Variants in CELF2 observed in about 807,000 individuals in gnomAD.
CELF2 encodes the protein CUG triplet repeat RNA-binding protein 2.
In CELF2, 8 loss-of-function variants were observed where a neutral mutation model predicts 62.6. The ratio of observed to expected loss-of-function variants is 0.13; its 90% CI spans 0.07 to 0.23. CELF2 has a LOEUF of 0.23. Ranked by LOEUF, CELF2 falls within the 10% of genes least tolerant of loss-of-function variation. CELF2 has a pLI of 1.00. For missense variants in CELF2, 333 were observed against 671.0 expected, an observed-to-expected ratio of 0.50 and a Z score of 5.56; for synonymous variants, 258 against 250.0, an observed-to-expected ratio of 1.03 and a Z score of -0.30.
rs1190277005 is a variant in CELF2, at chr10:11,075,215, G to GC, written c.74+57053dup. On this transcript the variant is annotated intron_variant, in intron 1 of 12. Transcript: ENST00000633077. The surrounding 1 kb of genome is among the most constrained non-coding windows in gnomAD (Gnocchi z 5.4). The stretch of plus-strand genomic sequence containing the variant: ...AGGCATGGAGTTGCCCCACTCTGTG[G>GC]CTCCTTCATTTGTAAGGGATGTTCA... The GC allele has an allele frequency of 3.3e-5, 5 of 152,258 alleles. No individual in the cohort carries two copies. The highest frequency in any genetic ancestry group is 1.3e-4 in the Admixed American group (2 of 15,298). The allele number at this position is 152,258 out of a possible 1,614,324, so 9.4% of individuals were successfully genotyped here. A position where few individuals can be genotyped will look rare whatever the true frequency, so the allele number is the denominator to read the frequency against.
chr10:11,241,855 T>G (rs762987015), intron 3 of CELF2, among the ~76,000 whole-genome samples: 33 of 152,274 alleles, frequency 2.2e-4, no homozygotes, highest in Admixed American at 3.9e-4. Context: ...GGCCTCCAGT[T>G]GGTGGCAAAT....
chr10:11,285,005 G>T lies in CELF2; in HGVS notation c.842-3413G>T, dbSNP rs962169592. ...GATGAGAGATGGATGTGTGGATGAC[G>T]GATGGGTGGGAGGATAGTGGATCTG... On this transcript the variant is annotated intron_variant, in intron 8 of 12. Coordinates refer to ENST00000633077, the MANE Select transcript of CELF2 (RefSeq NM_001326342.2). This position sits in a 1 kb window ranked among gnomAD's most constrained non-coding sequence, Gnocchi z 4.3. Among the ~76,000 whole-genome samples the T allele has an allele frequency of 6.7e-6, 1 of 150,138 alleles. No homozygotes were observed. The highest frequency in any genetic ancestry group is 2.5e-5 in the African/African-American group (1 of 40,656).
At chr10:10,556,490 C>T in the CELF2 span, among the ~76,000 whole-genome samples, 19,307 of 152,176 alleles carry the variant, frequency 0.13, 1,344 homozygotes, top group South Asian at 0.19. Flanking sequence ...CCGCAATAAA[C>T]ATACGTGTGC....
chr10:10,886,795 C>T (rs959189266), intron 1 of CELF2, among the ~76,000 whole-genome samples: 7 of 152,200 alleles, frequency 4.6e-5, no homozygotes, highest in African/African-American at 1.7e-4. Flanking sequence ...GTGATCACAC[C>T]ACTGCACTCC....
At chr10:11,180,594 C>T (rs925350041) in intron 2 of CELF2, among the ~76,000 whole-genome samples, 1 of 152,100 alleles carries the variant, frequency 6.6e-6, no homozygotes, top group Non-Finnish European at 1.5e-5. Flanking sequence ...TGGGTATAGC[C>T]TGCCATCCGA....
chr10:10,951,448 C>A (rs763684687), intron 2 of CELF2, among the ~76,000 whole-genome samples: 20 of 151,756 alleles, frequency 1.3e-4, no homozygotes, highest in Non-Finnish European at 2.9e-4. Flanking sequence ...TTCTCCAACA[C>A]AAAAAAAAGA....
the CELF2 span, among the ~76,000 whole-genome samples, chr10:10,512,946 A>C: frequency 6.6e-6 from 1 of 152,210 alleles, no homozygotes; most frequent in Admixed American, 6.5e-5. Flanking sequence ...CTGCTTTATA[A>C]GAAGCTGCCT....
intron 1 of CELF2, among the ~76,000 whole-genome samples, chr10:10,879,019 C>T (rs1442029313): frequency 6.6e-6 from 1 of 152,038 alleles, no homozygotes; most frequent in Non-Finnish European, 1.5e-5. Context: ...TTGTCTTTGC[C>T]GGGATGCACA....
At chr10:10,690,612 G>C in the CELF2 span, among the ~76,000 whole-genome samples, 1,391 of 152,268 alleles carry the variant, frequency 9.1e-3, 23 homozygotes, top group African/African-American at 0.032. Context: ...GGGCACAGTG[G>C]TGCATGCCTA....
chr10:11,053,241 A>T (rs139853559), intron 1 of CELF2, among the ~76,000 whole-genome samples: 2 of 152,336 alleles, frequency 1.3e-5, no homozygotes, highest in African/African-American at 4.8e-5. Flanking sequence ...GTCACATAAC[A>T]GCATTCTTTT....
intron 1 of CELF2, among the ~76,000 whole-genome samples, chr10:11,072,152 C>T (rs1422560453): frequency 1.3e-5 from 2 of 152,118 alleles, no homozygotes; most frequent in African/African-American, 2.4e-5. Flanking sequence ...ATTCTTTTGT[C>T]GTTTTTTCTT....
At position 10,990,265 on chromosome 10, in the gene CELF2, A is replaced by G. The variant is rs1308559518; in HGVS notation, c.89+70266A>G. Among the ~76,000 whole-genome samples, 1 of 152,170 alleles carries G rather than the reference A, an allele frequency of 6.6e-6. No individual in the cohort carries two copies. Among genetic ancestry groups the G allele is most frequent in the African/African-American group, 2.4e-5 (1 of 41,474 alleles). On this transcript the variant is annotated intron_variant, in intron 2 of 13. Coordinates refer to the CELF2 transcript ENST00000636488. This position sits in a 1 kb window ranked among gnomAD's most constrained non-coding sequence, Gnocchi z 4.6. ...CAACGTCATTATGTGGGAAAAATAT[A>G]TCATGTTGTATAAAAAGGATTAAAA...
intron 7 of CELF2, among the ~76,000 whole-genome samples, 196 bp from the exon 8 acceptor site, chr10:11,274,861 C>T (rs199605822): frequency 6.6e-6 from 1 of 151,540 alleles, no homozygotes; most frequent in Non-Finnish European, 1.5e-5. Flanking sequence ...AGTGAGTTTC[C>T]CCAGTGTTTA....
In CELF2 at chr10:11,269,188, G is replaced by GA. The variant is rs1445739493; in HGVS notation, c.619-1471dup. Among the ~76,000 whole-genome samples, 1 of 151,998 alleles carries GA rather than the reference G, an allele frequency of 6.6e-6. No homozygotes were observed. The highest frequency in any genetic ancestry group is 1.9e-4 in the East Asian group (1 of 5,194). ...AGTACTGAAACATGGAACAGATACA[G>GA]AAAAAAATGAATTACAGATTTTTTT... is the stretch of plus-strand genomic sequence containing the variant. On this transcript the variant is annotated intron_variant, in intron 6 of 12. Transcript: ENST00000633077. The surrounding 1 kb of genome is among the most constrained non-coding windows in gnomAD (Gnocchi z 4.4).
Position 10,869,576 on chromosome 10 carries a change from A to AG in CELF2, c.54-50388_54-50387insG, listed in dbSNP as rs1554860331. Among the ~76,000 whole-genome samples the AG allele has an allele frequency of 8.6e-5, 13 of 151,474 alleles. No homozygotes were observed. The East Asian group carries it at 2.3e-3, about 27-fold the overall frequency. On this transcript the variant is annotated intron_variant, in intron 1 of 13. Transcript: ENST00000636488. The stretch of plus-strand genomic sequence containing the variant: ...TGAGACTTCATCTGGGGGAAAAAAA[A>AG]ATGGAAACAACAAATGTCCTGCATA...
At chr10:10,920,135 T>C (rs1212484831) in intron 2 of CELF2, 1 of 487,528 alleles carries the variant, frequency 2.1e-6, no homozygotes, top group Non-Finnish European at 3.2e-6. Context: ...TACATCACCA[T>C]GTAAATGCCA....
rs1270471370 is a variant in CELF2, at chr10:11,177,784, T to C, written c.271+12102T>C. 6.6e-6 allele frequency among the ~76,000 whole-genome samples: 1 copy of C among 152,214 alleles called. No homozygotes were observed. The highest frequency in any genetic ancestry group is 2.4e-5 in the African/African-American group (1 of 41,452). ...TTGTTGATTTGGGGTGAAGATGCCA[T>C]GAACTCAGGAGCGGGTGAGGAGGGC... On this transcript the variant is annotated intron_variant, in intron 2 of 12. Transcript: ENST00000633077. This position sits in a 1 kb window ranked among gnomAD's most constrained non-coding sequence, Gnocchi z 4.8.
chr10:11,002,340 C>T (rs1215556318), upstream of CELF2, among the ~76,000 whole-genome samples: 3 of 152,178 alleles, frequency 2.0e-5, no homozygotes, highest in Non-Finnish European at 4.4e-5. This position sits in a 1 kb window ranked among gnomAD's most constrained non-coding sequence, Gnocchi z 4.4. Context: ...TTGGGAGCTA[C>T]AGTTCAAGGT....
the CELF2 span, among the ~76,000 whole-genome samples, chr10:10,626,059 G>T: frequency 6.6e-6 from 1 of 152,110 alleles, no homozygotes; most frequent in African/African-American, 2.4e-5. Flanking sequence ...CCTAGAAAGA[G>T]AAATATGTTT....
Sources: gnomAD v4.1 joint callset for allele counts (sites outside exome capture counted in the v4.1 genomes callset) on GRCh38, gnomAD v4.1.1 for gene constraint, Gnocchi (gnomAD v3.1) non-coding constraint, MANE v1.5 for transcripts, NCBI Gene and HGNC (gene_info 2026-07-23, HGNC 2026-07-21) for gene names.